Variants in RAD9A observed in about 807,000 individuals in gnomAD.
RAD9A encodes RAD9 checkpoint clamp component A.
A neutral mutation model predicts 41.2 loss-of-function variants in RAD9A; 25 were observed. That is an observed-to-expected ratio of 0.61 (90% CI 0.44 to 0.85). The LOEUF (loss-of-function observed/expected upper bound fraction) is 0.85. Ranked by LOEUF, RAD9A falls within the 40% of genes least tolerant of loss-of-function variation. The pLI is 0.00. For synonymous variants in RAD9A, 252 were observed against 210.6 expected (o/e 1.20, Z -1.70); for missense variants, 514 against 518.3 (o/e 0.99, Z 0.08).
At chr11:67,397,102 T>G (rs932330827) in intron 9 of RAD9A, 77 bp from the exon 10 acceptor site, 104 of 1,154,652 alleles carry the variant, frequency 9.0e-5, no homozygotes, top group Non-Finnish European at 1.3e-4. Context: ...GCCCCAGAGC[T>G]CCCTTCGAGC....
chr11:67,396,047 G>A (rs777255784), intron 7 of RAD9A, 26 bp downstream of exon 7: 13 of 1,613,532 alleles, frequency 8.1e-6, no homozygotes, highest in Middle Eastern at 1.6e-4. Flanking sequence ...GGCGCTCGCC[G>A]TCCTGTCCTC....
At chr11:67,392,499 C>T (rs1862554950) in intron 2 of RAD9A, among the ~76,000 whole-genome samples, 155 bp from the exon 3 acceptor site, 2 of 152,304 alleles carry the variant, frequency 1.3e-5, no homozygotes, top group South Asian at 4.1e-4. Flanking sequence ...GCGCCGGGGC[C>T]GACTCTGAAG....
Position 67,396,324 on chromosome 11 carries a change from T to G in RAD9A, c.796T>G (p.Ser266Ala). The G allele has an allele frequency of 6.2e-7, 1 of 1,613,936 alleles. No homozygotes were observed. The highest frequency in any genetic ancestry group is 8.5e-7 in the Non-Finnish European group (1 of 1,179,982). ...CGGCCACTTTGTCTTGGCCACACTC[T>G]CAGACACCGACTCGCACTCCCAGGA... The part of the protein sequence containing the change: ...LDGHFVLATL[S>A]DTDSHSQDLG... Residue 266 changes from serine (S) to alanine (A), a missense_variant, in exon 9 of 11, where the codon TCA becomes GCA. This residue lies in a region of RAD9A where 216 missense variants were observed against 184.2 expected (regional missense o/e 1.17). Coordinates refer to ENST00000307980, the MANE Select transcript of RAD9A (RefSeq NM_004584.3).
Position 67,395,716 on chromosome 11 carries a change from GGTTCTGGGGGAGGCT to G in RAD9A, c.457_471del (p.Gly153_Leu157del), listed in dbSNP as rs1565117375. The G allele has an allele frequency of 1.3e-6, 2 of 1,598,128 alleles. No homozygotes were observed. ...GGGTAATGCTCCACCCTGTTCACAGGGTTCTGGGGGAGGCTGTTCTGCCCTTCTCTCCTGCACTGG... is the reference window on the plus strand; with the variant it reads ...GGGTAATGCTCCACCCTGTTCACAGGGTTCTGCCCTTCTCTCCTGCACTGG... On this transcript the variant is annotated inframe_deletion and splice_region_variant, in exon 6 of 11. Coordinates refer to ENST00000307980, the MANE Select transcript of RAD9A (RefSeq NM_004584.3).
In RAD9A at chr11:67,396,322, T is replaced by C. The variant is rs1374965383; in HGVS notation, c.794T>C (p.Leu265Pro). 1 of 1,613,914 alleles carries C rather than the reference T, an allele frequency of 6.2e-7. No homozygotes were observed. ...LLDGHFVLAT[L>P]SDTDSHSQDL... The stretch of plus-strand genomic sequence containing the variant: ...GACGGCCACTTTGTCTTGGCCACAC[T>C]CTCAGACACCGACTCGCACTCCCAG... Residue 265 changes from leucine (L) to proline (P), a missense_variant, in exon 9 of 11, where the codon CTC (leucine) becomes CCC (proline). By Grantham distance (98) the Leu-to-Pro change is moderately conservative. Transcript: ENST00000307980.
At position 67,392,960 on chromosome 11, in the gene RAD9A, G is replaced by A. The variant is rs577884550; in HGVS notation, c.234+178G>A. 8 of 964,196 alleles carry A rather than the reference G, an allele frequency of 8.3e-6. No individual in the cohort carries two copies. In the African/African-American group the frequency reaches 9.9e-5, roughly 12 times the overall value. 59.7% of individuals were successfully genotyped at this position (964,196 alleles called of 1,614,324 possible). A position where few individuals can be genotyped will look rare whatever the true frequency, so the allele number is the denominator to read the frequency against. On this transcript the variant is annotated intron_variant, in intron 3 of 10. Transcript: ENST00000307980. ...ATCACAGCGGGGACCTGAGAGGGTG[G>A]TGACGCTCAAGTTCGTCAAGAAAGG...
rs1416961681 is a variant in RAD9A, at chr11:67,397,378, C to A, written c.1072C>A (p.Pro358Thr). ...CAGTACAGTGCCTGGGACTCCCCCA[C>A]CCAAGAAGGTAGGGACTGGAGGTGG... ...EPSTVPGTPP[P>T]KKFRSLFFGS... is the part of the protein sequence containing the mutation. Residue 358 changes from proline (P) to threonine (T), a missense_variant, in exon 10 of 11, where the codon CCC becomes ACC. Physicochemically the swap from Pro to Thr is conservative, Grantham distance 38 (BLOSUM62 -1). Transcript: ENST00000307980. 1 of 1,601,912 alleles carries A rather than the reference C, an allele frequency of 6.2e-7. No homozygotes were observed. Among genetic ancestry groups the A allele is most frequent in the Admixed American group, 1.7e-5 (1 of 58,790 alleles).
At chr11:67,397,069 C>A in intron 9 of RAD9A, 110 bp from the exon 10 acceptor site, 1 of 736,450 alleles carries the variant, frequency 1.4e-6, no homozygotes. Context: ...GTCATAAAAC[C>A]AAGAGATCTC....
intron 3 of RAD9A, chr11:67,393,111 C>T (rs1213355659): frequency 1.3e-5 from 5 of 392,860 alleles, no homozygotes; most frequent in African/African-American, 8.3e-5. Context: ...GAAACCCCGT[C>T]TCTACTAAAA....
rs758556468 is a variant in RAD9A, at chr11:67,396,133, C to A, written c.692C>A (p.Ser231Ter). 1 of 1,614,060 alleles carries A rather than the reference C, an allele frequency of 6.2e-7. No individual in the cohort carries two copies. The highest frequency in any genetic ancestry group is 1.7e-5 in the Admixed American group (1 of 60,030). The change falls in exon 8 of 11, where the codon TCA becomes TAA. Residue 231 changes from serine to a stop codon, truncating the protein, a stop_gained. Coordinates refer to ENST00000307980, the MANE Select transcript of RAD9A (RefSeq NM_004584.3). LOFTEE classifies it high-confidence loss of function. ...CAGGGGCTCCTGAGCTTTGCAGAGTCAGCAAACTTGAATCTTAGCATTCAT... is the reference window on the plus strand; with the variant it reads ...CAGGGGCTCCTGAGCTTTGCAGAGTAAGCAAACTTGAATCTTAGCATTCAT... The part of the protein sequence containing the change: ...EFRGLLSFAE[S>*]ANLNLSIHFD...
intron 5 of RAD9A, 52 bp from the exon 6 acceptor site, chr11:67,395,664 A>G: frequency 1.4e-6 from 2 of 1,437,700 alleles, no homozygotes; most frequent in Non-Finnish European, 1.9e-6. Context: ...CTCCGAGAGC[A>G]AAGCCCTGGG....
chr11:67,396,534 C>T (rs550183279), intron 9 of RAD9A, 134 bp downstream of exon 9: 4 of 1,197,722 alleles, frequency 3.3e-6, no homozygotes, highest in South Asian at 2.9e-5. Context: ...GCCCCAGCCC[C>T]TAACCCTATA....
intron 2 of RAD9A, 31 bp downstream of exon 2, chr11:67,392,262 G>GA: frequency 1.7e-6 from 1 of 600,782 alleles, no homozygotes; most frequent in African/African-American, 1.9e-5. Context: ...GGGCGGGTGG[G>GA]ACTCCAGCCG....
chr11:67,395,347 C>T (rs1862650363), intron 5 of RAD9A: 2 of 236,054 alleles, frequency 8.5e-6, no homozygotes, highest in Non-Finnish European at 1.6e-5. Flanking sequence ...TATGTAAAAG[C>T]AGACGCAGCT....
At chr11:67,393,125 C>T in intron 3 of RAD9A, 1 of 409,446 alleles carries the variant, frequency 2.4e-6, no homozygotes, top group East Asian at 7.3e-5. Flanking sequence ...ACTAAAAATA[C>T]AAAAATTAGC....
At chr11:67,395,458 C>A in intron 5 of RAD9A, 1 of 495,978 alleles carries the variant, frequency 2.0e-6, no homozygotes. Flanking sequence ...TTCTGAAGGC[C>A]GGGTTTGTAG....
In RAD9A at chr11:67,397,247, T is replaced by C. The variant is rs1862733639; in HGVS notation, c.941T>C (p.Ile314Thr). 18 of 1,613,378 alleles carry C rather than the reference T, an allele frequency of 1.1e-5. No homozygotes were observed. The highest frequency in any genetic ancestry group is 2.2e-5 in the East Asian group (1 of 44,842). ...DSYMIAMETT[I>T]GNEGSRVLPS... ...TACATGATCGCCATGGAAACCACTATAGGCAATGAGGGCTCGCGGGTGCTG... is the reference window on the plus strand; with the variant it reads ...TACATGATCGCCATGGAAACCACTACAGGCAATGAGGGCTCGCGGGTGCTG... Residue 314 changes from isoleucine (I) to threonine (T), a missense_variant, in exon 10 of 11, where the codon ATA (isoleucine) becomes ACA (threonine). Transcript: ENST00000307980.
intron 5 of RAD9A, 97 bp from the exon 6 acceptor site, chr11:67,395,619 C>G: frequency 6.6e-6 from 6 of 905,324 alleles, no homozygotes; most frequent in Non-Finnish European, 8.5e-6. Context: ...CTGCGCACAT[C>G]CGTGCGTGTG....
rs761855304 is a variant in RAD9A, at chr11:67,397,511, C to T, written c.1128C>T (p.Pro376=). ...FGSILAPVRS[P]QGPSPVLAED... ...CCATCCTGGCCCCTGTACGCTCCCC[C>T]CAGGGCCCCAGCCCTGTGCTGGCGG... The change falls in exon 11 of 11, where the codon CCC becomes CCT. Residue 376 remains proline, a synonymous_variant. Coordinates refer to ENST00000307980, the MANE Select transcript of RAD9A (RefSeq NM_004584.3). 7.4e-6 allele frequency: 12 copies of T among 1,612,212 alleles called. No homozygotes were observed. Among genetic ancestry groups the T allele is most frequent in the Admixed American group, 1.7e-5 (1 of 59,986 alleles).
Sources: allele counts gnomAD v4.1 joint callset (sites outside exome capture counted in the v4.1 genomes callset), GRCh38; gene constraint gnomAD v4.1.1; regional missense constraint gnomAD v4.1.1; transcripts MANE v1.5; gene names NCBI Gene and HGNC (gene_info 2026-07-23, HGNC 2026-07-21).